NAV1: variants seen among roughly 807,000 people sequenced by gnomAD.
NAV1 encodes pore membrane and/or filament interacting like protein 3.
NAV1 carries 18 observed loss-of-function variants against 175.2 expected under a neutral mutation model. The observed-to-expected ratio is 0.10, with a 90% confidence interval of 0.07 to 0.15. The LOEUF is 0.15. NAV1 is among the 10% of genes least tolerant of loss of function. The pLI is 1.00. For missense variants in NAV1, 1,731 were observed against 2,436.6 expected, an observed-to-expected ratio of 0.71 and a Z score of 6.10; for synonymous variants, 897 against 978.7, an observed-to-expected ratio of 0.92 and a Z score of 1.56.
exon 30 of NAV1, chr1:201,825,302 T>C (rs1443797090): frequency 6.6e-6 from 1 of 150,628 alleles, no homozygotes; most frequent in Non-Finnish European, 1.5e-5. Flanking sequence ...TATTCCGAGC[T>C]GATTATGTAA....
chr1:201,711,421 C>G (rs1256027855), intron 1 of NAV1, among the ~76,000 whole-genome samples: 2 of 152,236 alleles, frequency 1.3e-5, no homozygotes, highest in Non-Finnish European at 2.9e-5. Flanking sequence ...AGTCAAGCAG[C>G]TGCCTGCCAG....
intron 2 of NAV1, among the ~76,000 whole-genome samples, chr1:201,595,790 T>C (rs1187909937): frequency 1.3e-5 from 2 of 152,272 alleles, no homozygotes; most frequent in Non-Finnish European, 2.9e-5. Flanking sequence ...TCCTGTGCTG[T>C]CTCAGTCATC....
intron 1 of NAV1, among the ~76,000 whole-genome samples, chr1:201,680,451 A>G (rs1261588999): frequency 1.3e-5 from 2 of 152,174 alleles, no homozygotes; most frequent in Non-Finnish European, 1.5e-5. Flanking sequence ...GGTTGTGGTG[A>G]GCCGAGATCG....
At position 201,810,822 on chromosome 1, in the gene NAV1, C is replaced by A; in HGVS notation, c.4797+64C>A. On this transcript the variant is annotated intron_variant, in intron 24 of 29. Transcript: ENST00000367296. The surrounding 1 kb of genome is among the most constrained non-coding windows in gnomAD (Gnocchi z 6.0). ...GCCTCAGCCTTCCCTAAGACCCTTC[C>A]TCGGCCCCTTCCTGCCTCATTGTTC... 1 of 1,263,098 alleles carries A rather than the reference C, an allele frequency of 7.9e-7. No individual in the cohort carries two copies. The highest frequency in any genetic ancestry group is 1.1e-6 in the Non-Finnish European group (1 of 883,236). 78.2% of individuals were successfully genotyped at this position (1,263,098 alleles called of 1,614,324 possible). A position where few individuals can be genotyped will look rare whatever the true frequency, so the allele number is the denominator to read the frequency against.
chr1:201,777,156 C>A (rs539254486), intron 3 of NAV1, among the ~76,000 whole-genome samples: 24 of 152,278 alleles, frequency 1.6e-4, no homozygotes, highest in South Asian at 6.2e-4. Flanking sequence ...TTTTCAGAAA[C>A]CTACTGGAAG....
chr1:201,683,580 G>A (rs1391807998), intron 1 of NAV1, among the ~76,000 whole-genome samples: 1 of 152,052 alleles, frequency 6.6e-6, no homozygotes, highest in Non-Finnish European at 1.5e-5. Context: ...ATGCTTGCCT[G>A]CACACTCATC....
At chr1:201,634,569 C>T (rs546952243) in intron 2 of NAV1, among the ~76,000 whole-genome samples, 34 of 152,238 alleles carry the variant, frequency 2.2e-4, no homozygotes, top group Admixed American at 7.2e-4. Flanking sequence ...TAAGGTCATC[C>T]GAGGTACCTG....
chr1:201,799,195 T>G (rs1305209261), intron 15 of NAV1, among the ~76,000 whole-genome samples: 2 of 151,692 alleles, frequency 1.3e-5, no homozygotes, highest in Middle Eastern at 3.4e-3. Context: ...TGTGTGTGTG[T>G]GGAGAGAGAG....
rs371020961 is a variant in NAV1, at chr1:201,560,984, G to A, written c.-144+21642G>A. ...GGCTTTCCAGTGGCGTGCAGCAGTCGCTACTCTTTCCACAGGTACCAGGGA... is the reference window on the plus strand; with the variant it reads ...GGCTTTCCAGTGGCGTGCAGCAGTCACTACTCTTTCCACAGGTACCAGGGA... On this transcript the variant is annotated intron_variant, in intron 1 of 33. Coordinates refer to the NAV1 transcript ENST00000685211. 2.0e-3 allele frequency among the ~76,000 whole-genome samples: 310 copies of A among 152,306 alleles called. 2 individuals carry two copies. Among genetic ancestry groups the A allele is most frequent in the African/African-American group, 7.1e-3 (297 of 41,544 alleles).
intron 1 of NAV1, among the ~76,000 whole-genome samples, chr1:201,659,179 C>A (rs188319136): frequency 6.6e-5 from 10 of 152,336 alleles, no homozygotes; most frequent in Admixed American, 4.6e-4. Context: ...GACAGGGGAG[C>A]TTTTCAACTG....
chr1:201,820,023 G>A (rs1558201803), exon 30 of NAV1: 3 of 1,216,166 alleles, frequency 2.5e-6, no homozygotes, highest in Non-Finnish European at 3.6e-6. Flanking sequence ...TCAGAGCACT[G>A]GCTCTCCAGC....
At chr1:201,764,760 T>TG (rs34914329) in intron 3 of NAV1, among the ~76,000 whole-genome samples, 12,629 of 152,252 alleles carry the variant, frequency 0.083, 897 homozygotes, top group African/African-American at 0.19. Context: ...TAGACACATT[T>TG]GAGAATCTGA....
intron 3 of NAV1, among the ~76,000 whole-genome samples, chr1:201,757,430 G>A (rs1041744776): frequency 2.0e-5 from 3 of 152,128 alleles, no homozygotes; most frequent in South Asian, 2.1e-4. Context: ...CACCACGCCC[G>A]GCTAATTTTT....
intron 3 of NAV1, 126 bp from the exon 8 acceptor site, chr1:201,780,295 C>A: frequency 9.2e-7 from 1 of 1,083,836 alleles, no homozygotes; most frequent in South Asian, 1.7e-5. Context: ...AGGACAAACC[C>A]CCAGGTTTTC....
chr1:201,631,200 G>A (rs931302224), intron 2 of NAV1, among the ~76,000 whole-genome samples: 1 of 152,228 alleles, frequency 6.6e-6, no homozygotes, highest in Non-Finnish European at 1.5e-5. Flanking sequence ...GTGCTAGCTA[G>A]TTGTCATGGT....
intron 1 of NAV1, among the ~76,000 whole-genome samples, chr1:201,583,038 C>A (rs1259272057): frequency 2.6e-5 from 4 of 152,260 alleles, no homozygotes; most frequent in Non-Finnish European, 5.9e-5. Context: ...GCTGCCATAG[C>A]CCTGAGGGCT....
chr1:201,811,954 T>C (rs1678718306), exon 26 of NAV1: 1 of 1,614,164 alleles, frequency 6.2e-7, no homozygotes, highest in African/African-American at 1.3e-5. Context: ...CACCCAACCA[T>C]GGCTTGCACT....
intron 1 of NAV1, among the ~76,000 whole-genome samples, chr1:201,681,789 A>G (rs567278735): frequency 6.6e-6 from 1 of 152,112 alleles, no homozygotes; most frequent in African/African-American, 2.4e-5. Context: ...CCTGGCAAAT[A>G]TGGTGAAACC....
chr1:201,557,007 G>T (rs931555760), intron 1 of NAV1, among the ~76,000 whole-genome samples: 2 of 152,196 alleles, frequency 1.3e-5, no homozygotes, highest in Non-Finnish European at 1.5e-5. Context: ...CTGACTCCAT[G>T]ATCCTGCCAG....
Sources: allele counts gnomAD v4.1 joint callset (sites outside exome capture counted in the v4.1 genomes callset), GRCh38; gene constraint gnomAD v4.1.1; non-coding constraint Gnocchi (gnomAD v3.1); transcripts MANE v1.5; gene names NCBI Gene and HGNC (gene_info 2026-07-23, HGNC 2026-07-21).